The following UNC5D variants were observed in gnomAD, a reference collection of about 807,000 sequenced individuals.
UNC5D encodes netrin receptor UNC5D.
A neutral mutation model predicts 105.4 loss-of-function variants in UNC5D; 39 were observed. The observed-to-expected ratio is 0.37, with a 90% CI of 0.29 to 0.48. The LOEUF (loss-of-function observed/expected upper bound fraction) is 0.48, where lower values mean the gene tolerates loss of function less well. UNC5D is among the 20% of genes least tolerant of loss of function. The pLI is 0.98. For missense variants in UNC5D, 991 were observed against 1,202.4 expected (o/e 0.82, Z 2.60); for synonymous variants, 452 against 450.4 (o/e 1.00, Z -0.04).
At position 35,684,641 on chromosome 8, in the gene UNC5D, G is replaced by A. The variant is rs1178358757; in HGVS notation, c.811G>A (p.Gly271Arg). 6.2e-7 allele frequency: 1 copy of A among 1,613,858 alleles called. No individual in the cohort carries two copies. Among genetic ancestry groups the A allele is most frequent in the Admixed American group, 1.7e-5 (1 of 60,014 alleles). Residue 271 changes from glycine to arginine, a missense_variant, in exon 6 of 17, where the codon GGA (glycine) becomes AGA (arginine). This residue lies in a region of UNC5D where 944 missense variants were observed against 1,131.6 expected (regional missense o/e 0.83). Transcript: ENST00000404895. ...AGCCTGCAATGTTCGCTGTGGTAGA[G>A]GATGGCAGAAACGTTCCCGGACCTG... Reference protein sequence around the residue: ...WSACNVRCGRGWQKRSRTCTN... With the variant: ...WSACNVRCGRRWQKRSRTCTN...
At chr8:35,435,978 A>G (rs757283117) in intron 1 of UNC5D, among the ~76,000 whole-genome samples, 10 of 152,052 alleles carry the variant, frequency 6.6e-5, no homozygotes, top group Non-Finnish European at 1.0e-4. Context: ...TTAGCCATGA[A>G]GTATAGAAGA....
chr8:35,239,483 C>A (rs1802671629), intron 1 of UNC5D, among the ~76,000 whole-genome samples: 1 of 133,650 alleles, frequency 7.5e-6, no homozygotes, highest in Non-Finnish European at 1.6e-5. Flanking sequence ...TGTTTGATAT[C>A]CTTCCCTTCT....
chr8:35,319,092 G>A (rs1200777936), intron 1 of UNC5D, among the ~76,000 whole-genome samples: 2 of 152,228 alleles, frequency 1.3e-5, no homozygotes, highest in South Asian at 2.1e-4. Flanking sequence ...TGTTGTCTGT[G>A]TGAAGTGCAT....
At chr8:35,640,159 T>C (rs1007359913) in intron 4 of UNC5D, among the ~76,000 whole-genome samples, 3 of 152,202 alleles carry the variant, frequency 2.0e-5, no homozygotes, top group African/African-American at 7.2e-5. Flanking sequence ...TTTCTGCTAA[T>C]TGCGAAACCC....
intron 1 of UNC5D, among the ~76,000 whole-genome samples, chr8:35,441,100 T>C (rs2128983751): frequency 6.6e-6 from 1 of 152,060 alleles, no homozygotes. Flanking sequence ...CTTATACCAG[T>C]AGACCTTGAC....
intron 1 of UNC5D, among the ~76,000 whole-genome samples, chr8:35,360,153 C>T (rs1801783915): frequency 6.6e-6 from 1 of 152,062 alleles, no homozygotes; most frequent in African/African-American, 2.4e-5. Context: ...TTAACAGTTC[C>T]TTTCCCTGTC....
intron 1 of UNC5D, among the ~76,000 whole-genome samples, chr8:35,548,108 T>G (rs1448575078): frequency 6.6e-6 from 1 of 152,112 alleles, no homozygotes; most frequent in Non-Finnish European, 1.5e-5. Context: ...TGAGGGTGGG[T>G]CTGCCTTTCC....
At chr8:35,523,601 T>C (rs1361218211) in intron 1 of UNC5D, among the ~76,000 whole-genome samples, 1 of 135,874 alleles carries the variant, frequency 7.4e-6, no homozygotes, top group Non-Finnish European at 1.6e-5. Flanking sequence ...TTTTTTTTGA[T>C]GGTTAAAAAA....
chr8:35,731,946 C>T (rs1045133936), intron 11 of UNC5D, among the ~76,000 whole-genome samples: 4 of 152,136 alleles, frequency 2.6e-5, no homozygotes, highest in African/African-American at 7.2e-5. Context: ...TTGTCACATT[C>T]CCTTTTAATG....
At chr8:35,248,672 TATATATA>T (rs1226099174) in intron 1 of UNC5D, among the ~76,000 whole-genome samples, 6 of 98,162 alleles carry the variant, frequency 6.1e-5, no homozygotes, top group Non-Finnish European at 5.3e-5. Flanking sequence ...AAATATATGT[TATATATA>T]ATATATATAA....
At chr8:35,668,754 CAA>C (rs1218176583) in intron 4 of UNC5D, among the ~76,000 whole-genome samples, 1 of 152,040 alleles carries the variant, frequency 6.6e-6, no homozygotes, top group East Asian at 1.9e-4. Context: ...TTAAAAATAA[CAA>C]AGACGAGTGG....
chr8:35,385,096 A>C (rs1015312257), intron 1 of UNC5D, among the ~76,000 whole-genome samples: 4 of 152,186 alleles, frequency 2.6e-5, no homozygotes, highest in African/African-American at 9.6e-5. Context: ...TTCCTTAGTG[A>C]AGTTTTCTTG....
At chr8:35,715,895 A>T (rs895727082) in intron 8 of UNC5D, among the ~76,000 whole-genome samples, 3 of 152,132 alleles carry the variant, frequency 2.0e-5, no homozygotes, top group Non-Finnish European at 4.4e-5. Context: ...AACAAGAAAG[A>T]GGGCAGGTGA....
chr8:35,400,153 T>C (rs1368870549), intron 1 of UNC5D, among the ~76,000 whole-genome samples: 1 of 152,172 alleles, frequency 6.6e-6, no homozygotes, highest in Non-Finnish European at 1.5e-5. Context: ...CTTGGAAGCA[T>C]CTTATCCCCC....
chr8:35,287,728 G>A (rs182419348), intron 1 of UNC5D, among the ~76,000 whole-genome samples: 1 of 151,978 alleles, frequency 6.6e-6, no homozygotes. Context: ...GATTGCTTGA[G>A]CCCTGGAGGT....
chr8:35,617,840 G>A (rs1821124501), intron 4 of UNC5D, among the ~76,000 whole-genome samples: 1 of 152,176 alleles, frequency 6.6e-6, no homozygotes, highest in African/African-American at 2.4e-5. Context: ...GTCTCTCTTG[G>A]CTCTGGCTTA....
intron 1 of UNC5D, among the ~76,000 whole-genome samples, chr8:35,437,313 T>C (rs950782270): frequency 1.3e-4 from 20 of 152,096 alleles, no homozygotes; most frequent in African/African-American, 4.8e-4. Context: ...TGTGTTACAT[T>C]TCCTCTCCAG....
At chr8:35,603,177 G>A (rs1243801067) in intron 4 of UNC5D, among the ~76,000 whole-genome samples, 6 of 151,632 alleles carry the variant, frequency 4.0e-5, no homozygotes, top group South Asian at 2.1e-4. Flanking sequence ...TCTCTTGTGG[G>A]CATTTAGTGC....
At chr8:35,528,508 C>T (rs1214614984) in intron 1 of UNC5D, among the ~76,000 whole-genome samples, 4 of 146,210 alleles carry the variant, frequency 2.7e-5, no homozygotes, top group Admixed American at 7.1e-5. Flanking sequence ...AATAAACATA[C>T]GTGTGCATGT....
Sources: allele counts gnomAD v4.1 joint callset (sites outside exome capture counted in the v4.1 genomes callset), GRCh38; gene constraint gnomAD v4.1.1; regional missense constraint gnomAD v4.1.1; transcripts MANE v1.5; gene names NCBI Gene and HGNC (gene_info 2026-07-23, HGNC 2026-07-21).